The following FRMD4B variants were observed in gnomAD, a reference collection of about 807,000 sequenced individuals.
FRMD4B encodes the protein FERM domain-containing protein 4B.
Under a neutral mutation model 141.5 loss-of-function variants are expected in FRMD4B, and 74 were observed. The ratio of observed to expected loss-of-function variants is 0.52; its 90% CI spans 0.43 to 0.63. The LOEUF (loss-of-function observed/expected upper bound fraction) is 0.63. Among genes scored for constraint, FRMD4B ranks in the 30% least tolerant of loss-of-function variants. The pLI is 0.00. For missense variants in FRMD4B, 1,366 were observed against 1,253.4 expected, an observed-to-expected ratio of 1.09 and a Z score of -1.36; for synonymous variants, 506 against 467.9, an observed-to-expected ratio of 1.08 and a Z score of -1.05.
At chr3:69,199,741 GCACTC>G (rs2092947769) in intron 11 of FRMD4B, among the ~76,000 whole-genome samples, 1 of 152,186 alleles carries the variant, frequency 6.6e-6, no homozygotes, top group South Asian at 2.1e-4. Flanking sequence ...CTCTATTGCG[GCACTC>G]AGTGCCGTCA....
chr3:69,518,848 G>A (rs997219557), intron 1 of FRMD4B, among the ~76,000 whole-genome samples: 4 of 152,222 alleles, frequency 2.6e-5, no homozygotes, highest in Non-Finnish European at 5.9e-5. Context: ...TTCCTGATAA[G>A]GTTCTGGTTC....
chr3:69,409,348 C>G (rs1704714338), intron 2 of FRMD4B, among the ~76,000 whole-genome samples: 1 of 152,196 alleles, frequency 6.6e-6, no homozygotes, highest in South Asian at 2.1e-4. Flanking sequence ...GAAACTCATA[C>G]AACCAGGAGA....
chr3:69,198,577 C>T, intron 12 of FRMD4B, 121 bp downstream of exon 12: 1 of 641,124 alleles, frequency 1.6e-6, no homozygotes, highest in Non-Finnish European at 2.8e-6. Context: ...AATTCCATTC[C>T]TAGGTATACA....
At chr3:69,242,375 G>T (rs1452277599) in intron 7 of FRMD4B, among the ~76,000 whole-genome samples, 1 of 150,356 alleles carries the variant, frequency 6.7e-6, no homozygotes, top group African/African-American at 2.4e-5. Context: ...CTCCAGAGGT[G>T]TAATAACTAA....
At chr3:69,534,310 A>G (rs973671544) in intron 1 of FRMD4B, among the ~76,000 whole-genome samples, 1 of 152,266 alleles carries the variant, frequency 6.6e-6, no homozygotes, top group African/African-American at 2.4e-5. Context: ...AGAAAGGAAT[A>G]TAATCTTTTA....
chr3:69,386,389 G>A (rs1422225655), upstream of FRMD4B: 1 of 169,338 alleles, frequency 5.9e-6, no homozygotes, highest in Non-Finnish European at 1.3e-5. Flanking sequence ...AGAGAGGGGA[G>A]CTGCATTTCA....
At chr3:69,290,755 G>C (rs188900753) in intron 4 of FRMD4B, among the ~76,000 whole-genome samples, 24 of 152,276 alleles carry the variant, frequency 1.6e-4, no homozygotes, top group African/African-American at 4.6e-4. Context: ...AGGGACCTAT[G>C]ATGACCCTGA....
chr3:69,467,499 C>T (rs1705813111), intron 1 of FRMD4B, among the ~76,000 whole-genome samples: 1 of 152,276 alleles, frequency 6.6e-6, no homozygotes, highest in South Asian at 2.1e-4. Context: ...GGCAGTGAAA[C>T]CTGTGGTTCC....
chr3:69,246,300 A>T (rs936959845), intron 7 of FRMD4B, among the ~76,000 whole-genome samples: 1 of 152,116 alleles, frequency 6.6e-6, no homozygotes, highest in Non-Finnish European at 1.5e-5. Context: ...TACAAAAAAT[A>T]CAAAAATTAG....
At chr3:69,266,482 C>T (rs573460891) in intron 5 of FRMD4B, among the ~76,000 whole-genome samples, 11 of 152,148 alleles carry the variant, frequency 7.2e-5, no homozygotes, top group East Asian at 5.8e-4. Context: ...CCTGCCACCA[C>T]GCCTGGCTAA....
chr3:69,230,827 A>G (rs1379063295), intron 7 of FRMD4B, among the ~76,000 whole-genome samples: 1 of 152,226 alleles, frequency 6.6e-6, no homozygotes, highest in Non-Finnish European at 1.5e-5. Flanking sequence ...AAATGCTTAA[A>G]CTGTAATGTA....
At chr3:69,439,099 T>G (rs946757072) in intron 1 of FRMD4B, among the ~76,000 whole-genome samples, 1 of 152,084 alleles carries the variant, frequency 6.6e-6, no homozygotes, top group Non-Finnish European at 1.5e-5. Flanking sequence ...CCAAACATAT[T>G]CTATGATTTT....
intron 1 of FRMD4B, chr3:69,472,591 A>C: frequency 4.9e-6 from 1 of 203,432 alleles, no homozygotes; most frequent in Non-Finnish European, 1.0e-5. Context: ...AATGCACCAC[A>C]ATGTAGCAGT....
intron 7 of FRMD4B, among the ~76,000 whole-genome samples, chr3:69,240,947 C>G (rs1479290120): frequency 2.0e-5 from 3 of 152,192 alleles, no homozygotes; most frequent in Non-Finnish European, 4.4e-5. Flanking sequence ...GAATGCCACG[C>G]ATGCCTGTGT....
At chr3:69,519,104 T>C (rs4317106) in intron 1 of FRMD4B, among the ~76,000 whole-genome samples, 4,587 of 152,310 alleles carry the variant, frequency 0.03, 237 homozygotes, top group African/African-American at 0.11. Flanking sequence ...GTATCCTCCA[T>C]TTCTTTGTTT....
At chr3:69,429,602 A>G (rs1705143716) in intron 2 of FRMD4B, among the ~76,000 whole-genome samples, 2 of 152,164 alleles carry the variant, frequency 1.3e-5, no homozygotes, top group African/African-American at 4.8e-5. Flanking sequence ...AAACGTGCAC[A>G]ACTATGACAT....
intron 1 of FRMD4B, among the ~76,000 whole-genome samples, chr3:69,510,331 C>T (rs1351988524): frequency 1.3e-5 from 2 of 152,012 alleles, no homozygotes; most frequent in Non-Finnish European, 2.9e-5. Flanking sequence ...TGAAGTCAGT[C>T]CAGAAGTCTA....
At chr3:69,194,323 C>A (rs960060389) in intron 16 of FRMD4B, among the ~76,000 whole-genome samples, 4 of 152,076 alleles carry the variant, frequency 2.6e-5, no homozygotes, top group Non-Finnish European at 4.4e-5. Context: ...GAAGATAACA[C>A]CTACCTTATG....
chr3:69,377,589 G>A (rs1308698173), intron 1 of FRMD4B, among the ~76,000 whole-genome samples: 1 of 152,136 alleles, frequency 6.6e-6, no homozygotes, highest in South Asian at 2.1e-4. Context: ...TCTGGAAATC[G>A]CAGTCCCTTA....
Sources: gnomAD v4.1 joint callset for allele counts (sites outside exome capture counted in the v4.1 genomes callset) on GRCh38, gnomAD v4.1.1 for gene constraint, MANE v1.5 for transcripts, NCBI Gene and HGNC (gene_info 2026-07-23, HGNC 2026-07-21) for gene names.